Variants in STON2 observed in about 807,000 individuals in gnomAD.
STON2 encodes stonin 2, also known as stonin-2.
STON2 carries 29 observed loss-of-function variants against 65.7 expected under a neutral mutation model. The ratio of observed to expected loss-of-function variants is 0.44; its 90% CI spans 0.33 to 0.60. STON2 has a LOEUF of 0.60. Ranked by LOEUF, STON2 falls within the 20% of genes least tolerant of loss-of-function variation. The probability of loss-of-function intolerance (pLI) is 0.03; values close to 1 mark genes in which losing one functional copy is unlikely to be tolerated. For missense variants in STON2, 1,054 were observed against 1,118.1 expected, an observed-to-expected ratio of 0.94 and a Z score of 0.82; for synonymous variants, 404 against 414.2, an observed-to-expected ratio of 0.98 and a Z score of 0.30.
At chr14:81,351,452 T>C (rs921326593) in intron 4 of STON2, among the ~76,000 whole-genome samples, 2 of 152,162 alleles carry the variant, frequency 1.3e-5, no homozygotes, top group Admixed American at 1.3e-4. Flanking sequence ...CTAGAGAACC[T>C]GCTTGGGATA....
chr14:81,313,495 A>G (rs186809678), intron 5 of STON2, among the ~76,000 whole-genome samples: 1 of 149,362 alleles, frequency 6.7e-6, no homozygotes, highest in East Asian at 2.0e-4. Context: ...AAATTGATTA[A>G]AAAAAAAAAG....
At chr14:81,370,441 A>C (rs558407919) in intron 4 of STON2, among the ~76,000 whole-genome samples, 4 of 152,210 alleles carry the variant, frequency 2.6e-5, no homozygotes, top group Admixed American at 6.5e-5. Context: ...GGAAAGTTTA[A>C]TAAAGGAGGC....
intron 4 of STON2, among the ~76,000 whole-genome samples, chr14:81,348,471 G>A (rs1162673867): frequency 6.6e-6 from 1 of 152,006 alleles, no homozygotes; most frequent in Non-Finnish European, 1.5e-5. Flanking sequence ...TAATGAACTA[G>A]CTGAGAAAGA....
chr14:81,428,964 G>A (rs1460072421), intron 1 of STON2, among the ~76,000 whole-genome samples: 1 of 152,222 alleles, frequency 6.6e-6, no homozygotes, highest in East Asian at 1.9e-4. Flanking sequence ...CATTTGGCAT[G>A]AAATATGCTT....
At chr14:81,281,376 C>G (rs996353717) in intron 5 of STON2, among the ~76,000 whole-genome samples, 11 of 152,178 alleles carry the variant, frequency 7.2e-5, no homozygotes, top group African/African-American at 2.7e-4. Flanking sequence ...GTAATTGATC[C>G]TGTCTAGAGA....
chr14:81,315,794 T>C (rs1387986738), intron 5 of STON2, among the ~76,000 whole-genome samples: 3 of 152,228 alleles, frequency 2.0e-5, no homozygotes, highest in African/African-American at 7.2e-5. Context: ...AGAGCAGACA[T>C]GGCCCTTGGC....
At chr14:81,424,309 T>C (rs1462160971) in intron 2 of STON2, among the ~76,000 whole-genome samples, 1 of 152,082 alleles carries the variant, frequency 6.6e-6, no homozygotes, top group Non-Finnish European at 1.5e-5. Context: ...CTGGGAGTGG[T>C]GGCGCACACC....
chr14:81,316,936 C>T (rs1280200515), intron 5 of STON2, among the ~76,000 whole-genome samples: 2 of 152,072 alleles, frequency 1.3e-5, no homozygotes, highest in Non-Finnish European at 2.9e-5. Flanking sequence ...AGGAGAATGG[C>T]GTGAACCCGC....
chr14:81,342,843 G>A (rs1897667737), intron 4 of STON2, among the ~76,000 whole-genome samples: 1 of 152,192 alleles, frequency 6.6e-6, no homozygotes, highest in Non-Finnish European at 1.5e-5. Context: ...GGCAACCTGT[G>A]AGGCAGTAAT....
In STON2 at chr14:81,264,415, A is replaced by G. The variant is rs1894279034; in HGVS notation, c.*3999T>C. ...CTCAGGGTCAGTATTCTTTCAGCAA[A>G]CATTTATTGAATACATACTCATTTT... On this transcript the variant is annotated 3_prime_UTR_variant, in exon 8 of 8. Coordinates refer to ENST00000614646, the MANE Select transcript of STON2 (RefSeq NM_001394390.1). The G allele has an allele frequency of 1.0e-6, 1 of 985,342 alleles. No individual in the cohort carries two copies. Among genetic ancestry groups the G allele is most frequent in the South Asian group, 4.7e-5 (1 of 21,294 alleles). 61.0% of individuals were successfully genotyped at this position (985,342 alleles called of 1,614,324 possible).
In STON2 at chr14:81,371,106, G is replaced by C. The variant is rs1479570884; in HGVS notation, c.453C>G (p.Ser151Arg). The change falls in exon 4 of 8, where the codon AGC becomes AGG. Residue 151 changes from serine (S) to arginine (R), a missense_variant. Physicochemically the swap from Ser to Arg is moderately radical, Grantham distance 110. Coordinates refer to ENST00000614646, the MANE Select transcript of STON2 (RefSeq NM_001394390.1). ...TGGTGTCTTCAGAATGGGTGGTCCA[G>C]CTGCTCTCAGAAGTCAGAGGGCATC... The part of the protein sequence containing the change: ...LGRCPLTSES[S>R]WTTHSEDTSS... 2 of 1,614,014 alleles carry C rather than the reference G, an allele frequency of 1.2e-6. No homozygotes were observed. The highest frequency in any genetic ancestry group is 1.7e-6 in the Non-Finnish European group (2 of 1,180,018).
intron 4 of STON2, among the ~76,000 whole-genome samples, chr14:81,346,905 T>C (rs1302330363): frequency 1.3e-5 from 2 of 152,072 alleles, no homozygotes; most frequent in Non-Finnish European, 2.9e-5. Flanking sequence ...CACTAAACTC[T>C]ATGGGCTAAA....
At chr14:81,287,937 A>G (rs1266177140) in intron 5 of STON2, among the ~76,000 whole-genome samples, 1 of 152,192 alleles carries the variant, frequency 6.6e-6, no homozygotes, top group Non-Finnish European at 1.5e-5. Context: ...GCCTGGGCAG[A>G]GACTCCATTA....
rs776907640 is a variant in STON2, at chr14:81,278,437, G to C, written c.1045C>G (p.Leu349Val). ...GTGCGGTTTAAAGAGGAAATATCCA[G>C]CTTCTGAACTTTGGAGAAGTTCATC... ...TLMNFSKVQK[L>V]DISSLNRTPS... is the part of the protein sequence containing the mutation. Residue 349 changes from leucine to valine, a missense_variant, in exon 6 of 8, where the codon CTG becomes GTG. Coordinates refer to ENST00000614646, the MANE Select transcript of STON2 (RefSeq NM_001394390.1). 5 of 1,614,238 alleles carry C rather than the reference G, an allele frequency of 3.1e-6. No individual in the cohort carries two copies. Among genetic ancestry groups the C allele is most frequent in the African/African-American group, 1.3e-5 (1 of 75,070 alleles).
intron 4 of STON2, among the ~76,000 whole-genome samples, chr14:81,335,628 A>T (rs1897343094): frequency 6.6e-6 from 1 of 152,184 alleles, no homozygotes; most frequent in Admixed American, 6.5e-5. Flanking sequence ...AGAAACAAAG[A>T]CGTAAGTTGG....
intron 7 of STON2, 29 bp downstream of exon 7, chr14:81,270,641 A>G (rs199597663): frequency 1.2e-6 from 2 of 1,614,168 alleles, no homozygotes; most frequent in African/African-American, 1.3e-5. Flanking sequence ...TGGAGTTGGA[A>G]GCATTAGCCA....
intron 5 of STON2, among the ~76,000 whole-genome samples, chr14:81,292,441 G>A (rs564323697): frequency 1.2e-4 from 18 of 152,278 alleles, no homozygotes; most frequent in South Asian, 8.3e-4. Flanking sequence ...ATCCCCTCTT[G>A]TCATTGGAGG....
At chr14:81,435,059 C>T (rs557947768) in intron 1 of STON2, among the ~76,000 whole-genome samples, 4 of 152,086 alleles carry the variant, frequency 2.6e-5, no homozygotes, top group African/African-American at 4.8e-5. Flanking sequence ...ATCAGCCATG[C>T]TACTGAAAGG....
At position 81,334,370 on chromosome 14, in the gene STON2, C is replaced by A. The variant is rs189982798; in HGVS notation, c.572-10183G>T. Among the ~76,000 whole-genome samples, 464 of 152,324 alleles carry A rather than the reference C, an allele frequency of 3.0e-3. 1 individual carries two copies. Among genetic ancestry groups the A allele is most frequent in the Non-Finnish European group, 4.9e-3 (331 of 68,036 alleles). On this transcript the variant is annotated intron_variant, in intron 4 of 7. Coordinates refer to ENST00000614646, the MANE Select transcript of STON2 (RefSeq NM_001394390.1). ...GATACAATTCACGTTCCATCACATA[C>A]AATGGAGCTTGCAACACAGAGGAAG...
Sources: gnomAD v4.1 joint callset for allele counts (sites outside exome capture counted in the v4.1 genomes callset) on GRCh38, gnomAD v4.1.1 for gene constraint, MANE v1.5 for transcripts, NCBI Gene and HGNC (gene_info 2026-07-23, HGNC 2026-07-21) for gene names.